Variants in CDH4 observed in about 807,000 individuals in gnomAD.
The protein encoded by CDH4 is cadherin 4, also known as cadherin-4.
Under a neutral mutation model 86.0 loss-of-function variants are expected in CDH4, and 33 were observed. The observed-to-expected ratio is 0.38, with a 90% CI of 0.29 to 0.51. The LOEUF (loss-of-function observed/expected upper bound fraction) is 0.51. Among genes scored for constraint, CDH4 ranks in the 20% least tolerant of loss-of-function variants. The pLI is 0.86. For missense variants in CDH4, 1,114 were observed against 1,307.4 expected, an observed-to-expected ratio of 0.85 and a Z score of 2.28; for synonymous variants, 555 against 549.4, an observed-to-expected ratio of 1.01 and a Z score of -0.14.
chr20:61,702,244 G>T (rs1600891205), intron 2 of CDH4, among the ~76,000 whole-genome samples: 1 of 152,262 alleles, frequency 6.6e-6, no homozygotes, highest in African/African-American at 2.4e-5. Context: ...TGACAAACTG[G>T]GTTTTGCTGA....
At chr20:61,894,038 G>T (rs1344242779) in intron 7 of CDH4, among the ~76,000 whole-genome samples, 1 of 152,152 alleles carries the variant, frequency 6.6e-6, no homozygotes, top group Non-Finnish European at 1.5e-5. Context: ...CACTTGGAGA[G>T]CATTTCACAG....
intron 2 of CDH4, among the ~76,000 whole-genome samples, chr20:61,596,678 A>G (rs2086559598): frequency 6.6e-6 from 1 of 152,220 alleles, no homozygotes; most frequent in African/African-American, 2.4e-5. Context: ...TGTGAACACA[A>G]CAGATGAGGT....
chr20:61,337,354 G>GAT (rs2084624929), intron 2 of CDH4, among the ~76,000 whole-genome samples: 1 of 860 alleles, frequency 1.2e-3, no homozygotes, highest in Non-Finnish European at 3.9e-3. Flanking sequence ...TGATAACAAT[G>GAT]GTGATGATGA....
intron 2 of CDH4, among the ~76,000 whole-genome samples, chr20:61,549,780 A>G (rs994496303): frequency 6.6e-6 from 1 of 152,268 alleles, no homozygotes; most frequent in Non-Finnish European, 1.5e-5. Flanking sequence ...GTCCAGATAC[A>G]TGAGCGCTTA....
At chr20:61,720,123 C>T (rs1236346281) in intron 2 of CDH4, among the ~76,000 whole-genome samples, 3 of 152,108 alleles carry the variant, frequency 2.0e-5, no homozygotes, top group South Asian at 2.1e-4. Context: ...CAGCATCGCC[C>T]GTGTGTCTGC....
chr20:61,345,277 G>A (rs551093025), intron 2 of CDH4, among the ~76,000 whole-genome samples: 5 of 152,140 alleles, frequency 3.3e-5, no homozygotes, highest in South Asian at 2.1e-4. Flanking sequence ...GTGACAACAC[G>A]CCATGTTCTT....
intron 2 of CDH4, among the ~76,000 whole-genome samples, chr20:61,622,026 G>A (rs1052333959): frequency 6.6e-6 from 1 of 152,186 alleles, no homozygotes; most frequent in Admixed American, 6.5e-5. Context: ...TGTGCCGATC[G>A]CCTCACAGTT....
intron 5 of CDH4, among the ~76,000 whole-genome samples, chr20:61,850,923 G>A (rs756099392): frequency 1.3e-4 from 20 of 152,266 alleles, no homozygotes; most frequent in Admixed American, 3.3e-4. Context: ...CTCGTTATCC[G>A]CACTCGCGCT....
chr20:61,917,931 A>C (rs1418510119), intron 9 of CDH4, among the ~76,000 whole-genome samples: 1 of 152,246 alleles, frequency 6.6e-6, no homozygotes, highest in Admixed American at 6.5e-5. Flanking sequence ...CATGACATGC[A>C]GCATTATTCC....
At chr20:61,800,144 T>C (rs1979751748) in intron 4 of CDH4, among the ~76,000 whole-genome samples, 1 of 152,200 alleles carries the variant, frequency 6.6e-6, no homozygotes, top group Non-Finnish European at 1.5e-5. Flanking sequence ...TGTGCAGGGC[T>C]GCATCTTCTT....
intron 4 of CDH4, among the ~76,000 whole-genome samples, chr20:61,832,162 T>C (rs1233501814): frequency 6.6e-6 from 1 of 152,202 alleles, no homozygotes; most frequent in Non-Finnish European, 1.5e-5. Context: ...GACGGAGCTG[T>C]CTGGAAACAG....
intron 2 of CDH4, among the ~76,000 whole-genome samples, chr20:61,272,013 C>A (rs17204158): frequency 0.16 from 24,828 of 152,124 alleles, 2,118 homozygotes; most frequent in African/African-American, 0.19. Flanking sequence ...CAAGGCGCTG[C>A]TCTTGTACTT....
In CDH4 at chr20:61,582,582, GC is replaced by G. The variant is rs1245081881; in HGVS notation, c.170-160978del. 2.0e-5 allele frequency among the ~76,000 whole-genome samples: 3 copies of G among 152,270 alleles called. No homozygotes were observed. The highest frequency in any genetic ancestry group is 4.1e-4 in the South Asian group (2 of 4,824). On this transcript the variant is annotated intron_variant, in intron 2 of 15. Transcript: ENST00000614565. The surrounding 1 kb of genome is among the most constrained non-coding windows in gnomAD (Gnocchi z 4.2). The stretch of plus-strand genomic sequence containing the variant: ...GAGAGTCTCCCCAGTTGCACCCAGT[GC>G]CCTGAGAGCTGCACCTAGAGCTTCT...
chr20:61,877,527 CTG>C (rs1984085695), intron 7 of CDH4, among the ~76,000 whole-genome samples: 1 of 152,188 alleles, frequency 6.6e-6, no homozygotes, highest in African/African-American at 2.4e-5. Context: ...GCGTTCTCCG[CTG>C]TGTGTGCCTG....
At chr20:61,389,487 A>G (rs565865845) in intron 2 of CDH4, among the ~76,000 whole-genome samples, 1 of 152,132 alleles carries the variant, frequency 6.6e-6, no homozygotes, top group South Asian at 2.1e-4. Context: ...GGTGCTTTAG[A>G]TATTTGTTGA....
At chr20:61,419,829 T>C (rs1050847910) in intron 2 of CDH4, among the ~76,000 whole-genome samples, 1 of 152,230 alleles carries the variant, frequency 6.6e-6, no homozygotes, top group Non-Finnish European at 1.5e-5. Context: ...CACATCCCCC[T>C]GCTGTGTTCT....
At chr20:61,600,486 C>A (rs1056053241) in intron 2 of CDH4, among the ~76,000 whole-genome samples, 3 of 152,150 alleles carry the variant, frequency 2.0e-5, no homozygotes, top group African/African-American at 7.2e-5. Context: ...GCAACGGGAG[C>A]CATAGTGGTG....
At chr20:61,752,329 C>CAAAAAAAAA (rs34828485) in intron 3 of CDH4, among the ~76,000 whole-genome samples, 1 of 83,150 alleles carries the variant, frequency 1.2e-5, no homozygotes, top group Admixed American at 1.4e-4. Context: ...AAAAGCCTGT[C>CAAAAAAAAA]AAAAAAAAAA....
chr20:61,671,647 G>A (rs1290678018), intron 2 of CDH4, among the ~76,000 whole-genome samples: 1 of 151,072 alleles, frequency 6.6e-6, no homozygotes, highest in African/African-American at 2.4e-5. Flanking sequence ...GTGGATAGAT[G>A]GGTGAATGGA....
Sources: allele counts gnomAD v4.1 joint callset (sites outside exome capture counted in the v4.1 genomes callset), GRCh38; gene constraint gnomAD v4.1.1; non-coding constraint Gnocchi (gnomAD v3.1); transcripts MANE v1.5; gene names NCBI Gene and HGNC (gene_info 2026-07-23, HGNC 2026-07-21).